The following GLI3 variants were observed in gnomAD, a reference collection of about 807,000 sequenced individuals.
GLI3 encodes transcription activator GLI3.
GLI3 carries 20 observed loss-of-function variants against 100.8 expected under a neutral mutation model. That is an observed-to-expected ratio of 0.20 (90% CI 0.14 to 0.29). The LOEUF (loss-of-function observed/expected upper bound fraction) is 0.29, where lower values mean the gene tolerates loss of function less well. GLI3 is among the 10% of genes least tolerant of loss of function. The pLI is 1.00. For synonymous variants in GLI3, 938 were observed against 860.5 expected, an observed-to-expected ratio of 1.09 and a Z score of -1.58; for missense variants, 2,040 against 2,128.5, an observed-to-expected ratio of 0.96 and a Z score of 0.82.
intron 6 of GLI3, among the ~76,000 whole-genome samples, chr7:42,042,174 G>A (rs865791108): frequency 2.0e-5 from 3 of 152,084 alleles, no homozygotes; most frequent in Middle Eastern, 3.4e-3. Context: ...CACCACGCCC[G>A]GATAATTTTT....
At chr7:41,968,710 AAAG>A (rs199985852) in intron 13 of GLI3, among the ~76,000 whole-genome samples, 12,573 of 119,436 alleles carry the variant, frequency 0.11, 1,122 homozygotes, top group African/African-American at 0.24. Flanking sequence ...AGAAAGAAAG[AAAG>A]AAGAAAGAAA....
chr7:42,150,501 A>G (rs1043538975), intron 2 of GLI3, among the ~76,000 whole-genome samples: 2 of 152,180 alleles, frequency 1.3e-5, no homozygotes, highest in African/African-American at 4.8e-5. Flanking sequence ...ATTTTCCACT[A>G]ATTTGTGCTC....
intron 2 of GLI3, among the ~76,000 whole-genome samples, chr7:42,179,629 G>A (rs1275255556): frequency 1.3e-5 from 2 of 152,142 alleles, no homozygotes; most frequent in Admixed American, 6.5e-5. Flanking sequence ...GGCAGATTCT[G>A]GTGCTTTATG....
rs1220235319 is a variant in GLI3, at chr7:42,237,162, G to A, written c.-234C>T. On this transcript the variant is annotated 5_prime_UTR_variant, in exon 1 of 15. Transcript: ENST00000395925. ...CGCGGGGCGCGCGGGGAAGGCGGGA[G>A]AGCGGCGCGGGTGAGTGGGAGCGGC... 1.1e-4 allele frequency: 17 copies of A among 149,770 alleles called. No individual in the cohort carries two copies. The highest frequency in any genetic ancestry group is 3.9e-4 in the African/African-American group (16 of 41,222). The allele number at this position is 149,770 out of a possible 1,614,324, so 9.3% of individuals were successfully genotyped here.
intron 2 of GLI3, among the ~76,000 whole-genome samples, chr7:42,170,765 AT>A (rs2128676356): frequency 6.6e-6 from 1 of 152,262 alleles, no homozygotes; most frequent in South Asian, 2.1e-4. Flanking sequence ...AATAAAAGAG[AT>A]GCCAGCACTC....
intron 2 of GLI3, among the ~76,000 whole-genome samples, chr7:42,176,004 C>G (rs1787472821): frequency 1.3e-5 from 2 of 152,148 alleles, no homozygotes; most frequent in African/African-American, 4.8e-5. Context: ...CTGAACAGTA[C>G]AGGGCCCAAA....
chr7:42,130,156 C>T (rs1339100303), intron 3 of GLI3, among the ~76,000 whole-genome samples: 1 of 152,092 alleles, frequency 6.6e-6, no homozygotes, highest in Non-Finnish European at 1.5e-5. Context: ...CAGAATCAAG[C>T]CCTCTTCGTT....
At chr7:42,232,952 T>C (rs952770172) in intron 1 of GLI3, among the ~76,000 whole-genome samples, 12 of 152,124 alleles carry the variant, frequency 7.9e-5, no homozygotes, top group African/African-American at 2.4e-5. Context: ...GTGAAGAAAT[T>C]TGGCACTCAA....
intron 3 of GLI3, among the ~76,000 whole-genome samples, chr7:42,094,593 G>C (rs1040426717): frequency 1.3e-5 from 2 of 152,040 alleles, no homozygotes; most frequent in Non-Finnish European, 2.9e-5. Flanking sequence ...AAAAAATAGG[G>C]CATGGTGGTG....
intron 2 of GLI3, among the ~76,000 whole-genome samples, chr7:42,205,859 G>A (rs771844346): frequency 2.2e-4 from 34 of 152,148 alleles, no homozygotes; most frequent in African/African-American, 6.3e-4. Flanking sequence ...TTTGATATAC[G>A]CCTGGGAAGA....
chr7:42,181,682 T>G (rs1383453440), intron 2 of GLI3, among the ~76,000 whole-genome samples: 1 of 152,188 alleles, frequency 6.6e-6, no homozygotes, highest in Non-Finnish European at 1.5e-5. Flanking sequence ...TATAACTCTA[T>G]AAATACCATT....
chr7:42,232,472 G>T (rs138321582), intron 1 of GLI3, among the ~76,000 whole-genome samples: 2 of 152,318 alleles, frequency 1.3e-5, no homozygotes, highest in East Asian at 3.9e-4. Flanking sequence ...CTAATACACT[G>T]ATGACTAATG....
Position 42,132,388 on chromosome 7 carries a change from C to T in GLI3, c.367+15838G>A, listed in dbSNP as rs560657189. 5.6e-3 allele frequency among the ~76,000 whole-genome samples: 857 copies of T among 152,318 alleles called. 4 individuals carry two copies. Among genetic ancestry groups the T allele is most frequent in the Non-Finnish European group, 8.0e-3 (546 of 68,030 alleles). On this transcript the variant is annotated intron_variant, in intron 3 of 14. Coordinates refer to ENST00000395925, the MANE Select transcript of GLI3 (RefSeq NM_000168.6). ...GTGCTGGGATTACAGGCGTGAGCCA[C>T]CGCGCCCGGCCGGCTTCATGATTTA...
chr7:42,039,631 C>T (rs765929784), intron 7 of GLI3, among the ~76,000 whole-genome samples: 3 of 152,200 alleles, frequency 2.0e-5, no homozygotes, highest in Non-Finnish European at 2.9e-5. Flanking sequence ...TAGGACAAGA[C>T]TTCTGCCATG....
chr7:41,989,131 T>C (rs931738934), intron 10 of GLI3, among the ~76,000 whole-genome samples: 3 of 152,202 alleles, frequency 2.0e-5, no homozygotes, highest in East Asian at 1.9e-4. Flanking sequence ...AGCAAATTGA[T>C]TAGGGGCTTA....
At chr7:42,183,237 A>C (rs1209016309) in intron 2 of GLI3, among the ~76,000 whole-genome samples, 1 of 152,166 alleles carries the variant, frequency 6.6e-6, no homozygotes, top group Middle Eastern at 3.2e-3. Flanking sequence ...AAATTAAAAA[A>C]AAATCACTGT....
intron 3 of GLI3, among the ~76,000 whole-genome samples, chr7:42,120,301 T>G (rs1044653401): frequency 1.2e-4 from 19 of 152,196 alleles, no homozygotes; most frequent in African/African-American, 4.3e-4. Flanking sequence ...CTGATTTCTC[T>G]AAGGCCGGGA....
intron 2 of GLI3, among the ~76,000 whole-genome samples, chr7:42,202,123 A>G (rs933152568): frequency 6.6e-6 from 1 of 151,586 alleles, no homozygotes; most frequent in African/African-American, 2.4e-5. Context: ...ATCTTATGGG[A>G]CAACTGTCAT....
At position 42,084,901 on chromosome 7, in the gene GLI3, C is replaced by CTTT. The variant is rs747166719; in HGVS notation, c.368-8047_368-8045dup. ...AGCTCTAAAAATATGCATTTGGATTCTTTTTTTTTTTTTTTTTTTTTTTTT... is the reference window on the plus strand; with the variant it reads ...AGCTCTAAAAATATGCATTTGGATTCTTTTTTTTTTTTTTTTTTTTTTTTTTTT... On this transcript the variant is annotated intron_variant, in intron 3 of 14. Coordinates refer to ENST00000395925, the MANE Select transcript of GLI3 (RefSeq NM_000168.6). Among the ~76,000 whole-genome samples, 35 of 47,514 alleles carry CTTT rather than the reference C, an allele frequency of 7.4e-4. 2 individuals carry two copies. The highest frequency in any genetic ancestry group is 2.8e-3 in the African/African-American group (27 of 9,594). The allele number at this position is 47,514 out of a possible 152,430, so 31.2% of individuals were successfully genotyped here.
Sources: gnomAD v4.1 joint callset for allele counts (sites outside exome capture counted in the v4.1 genomes callset) on GRCh38, gnomAD v4.1.1 for gene constraint, MANE v1.5 for transcripts, NCBI Gene and HGNC (gene_info 2026-07-23, HGNC 2026-07-21) for gene names.